The following CES4A variants were observed in gnomAD, a reference collection of about 807,000 sequenced individuals.
CES4A encodes carboxylesterase 4A, also known as carboxylesterase 6.
Under a neutral mutation model 65.4 loss-of-function variants are expected in CES4A, and 48 were observed. The ratio of observed to expected loss-of-function variants is 0.73; its 90% confidence interval spans 0.58 to 0.93. The LOEUF (loss-of-function observed/expected upper bound fraction) is 0.93, where lower values mean the gene tolerates loss of function less well. CES4A is among the 40% of genes least tolerant of loss of function. The pLI is 0.00. For synonymous variants in CES4A, 247 were observed against 281.8 expected, an observed-to-expected ratio of 0.88 and a Z score of 1.24; for missense variants, 685 against 728.5, an observed-to-expected ratio of 0.94 and a Z score of 0.69.
chr16:66,990,409 AT>A (rs1277141456), intron 1 of CES4A, among the ~76,000 whole-genome samples: 6 of 152,162 alleles, frequency 3.9e-5, no homozygotes, highest in African/African-American at 1.4e-4. Context: ...AATGTACACA[AT>A]TTTAAGCCAA....
intron 1 of CES4A, among the ~76,000 whole-genome samples, chr16:66,990,371 G>T (rs1001197746): frequency 1.3e-5 from 2 of 152,084 alleles, no homozygotes; most frequent in Non-Finnish European, 1.5e-5. Context: ...CCTTTTCATT[G>T]TGTATTTATC....
chr16:67,006,922 CCCAG>C, intron 13 of CES4A, 105 bp downstream of exon 13: 2 of 1,041,098 alleles, frequency 1.9e-6, no homozygotes, highest in Non-Finnish European at 2.8e-6. Flanking sequence ...ACAGGAACTG[CCCAG>C]TCGGCCCAAA....
At chr16:66,993,215 G>C (rs886820404) in intron 1 of CES4A, among the ~76,000 whole-genome samples, 3 of 152,224 alleles carry the variant, frequency 2.0e-5, no homozygotes, top group African/African-American at 7.2e-5. Context: ...ATGTGTGCTT[G>C]TGTGTGCGTG....
intron 13 of CES4A, 92 bp downstream of exon 13, chr16:67,006,909 C>A: frequency 8.0e-7 from 1 of 1,242,340 alleles, no homozygotes; most frequent in Non-Finnish European, 1.2e-6. Context: ...CCCAGCATGT[C>A]CTACAGGAAC....
rs372307783 is a variant in CES4A, at chr16:66,999,567, C to T, written c.261-1071C>T. The stretch of plus-strand genomic sequence containing the variant: ...CTATAATCCCAGCACTTTGGGAGGC[C>T]GAGGTGGGCAGATCACTTAAGGCCA... On this transcript the variant is annotated intron_variant, in intron 2 of 13. Transcript: ENST00000648724. Among the ~76,000 whole-genome samples the T allele has an allele frequency of 8.5e-5, 13 of 152,130 alleles. No homozygotes were observed. In the South Asian group the frequency reaches 1.9e-3, roughly 22 times the overall value.
In CES4A at chr16:66,989,681, C is replaced by A. The variant is rs1334656771; in HGVS notation, c.58+851C>A. Among the ~76,000 whole-genome samples, 3 of 152,182 alleles carry A rather than the reference C, an allele frequency of 2.0e-5. No individual in the cohort carries two copies. In the East Asian group the frequency reaches 5.8e-4, roughly 29 times the overall value. The stretch of plus-strand genomic sequence containing the variant: ...GAGACCAGCCTAACCAATATTATTA[C>A]CCCGTCTCTACTAAAAATACAAAAC... On this transcript the variant is annotated intron_variant, in intron 1 of 13. Transcript: ENST00000648724.
Position 67,003,624 on chromosome 16 carries a change from T to C in CES4A, c.939+71T>C, listed in dbSNP as rs1597090446. ...CTTTGTGCCAGGCACTTGGGATACTTAGGGAATTGTTCAGGCCAAGATCCC... is the reference window on the plus strand; with the variant it reads ...CTTTGTGCCAGGCACTTGGGATACTCAGGGAATTGTTCAGGCCAAGATCCC... On this transcript the variant is annotated intron_variant, in intron 8 of 13. Coordinates refer to ENST00000648724, the Ensembl canonical transcript of CES4A. The surrounding 1 kb of genome is among the most constrained non-coding windows in gnomAD (Gnocchi z 4.2). 2 of 1,277,448 alleles carry C rather than the reference T, an allele frequency of 1.6e-6. No individual in the cohort carries two copies. The highest frequency in any genetic ancestry group is 2.3e-6 in the Non-Finnish European group (2 of 873,428). The allele number at this position is 1,277,448 out of a possible 1,614,324, so 79.1% of individuals were successfully genotyped here. A position where few individuals can be genotyped will look rare whatever the true frequency, so the allele number is the denominator to read the frequency against.
Position 67,003,936 on chromosome 16 carries a change from C to T in CES4A, c.940-148C>T. The T allele has an allele frequency of 1.2e-6, 1 of 830,116 alleles. No homozygotes were observed. 51.4% of individuals were successfully genotyped at this position (830,116 alleles called of 1,614,324 possible). On this transcript the variant is annotated intron_variant, in intron 8 of 13. Transcript: ENST00000648724. The surrounding 1 kb of genome is among the most constrained non-coding windows in gnomAD (Gnocchi z 4.2). Reference sequence around the variant, plus strand: ...TGCCTATCCTGCTCCCCTCCCACACCCATCCTCCTGGGGCTCACCATGCCA... The same window carrying T: ...TGCCTATCCTGCTCCCCTCCCACACTCATCCTCCTGGGGCTCACCATGCCA...
chr16:66,988,957 G>A, intron 1 of CES4A, 127 bp downstream of exon 1: 1 of 1,154,916 alleles, frequency 8.7e-7, no homozygotes, highest in Non-Finnish European at 1.2e-6. Context: ...TGGGCAAATG[G>A]AGGGTAGGGT....
Position 67,000,568 on chromosome 16 carries a change from C to T in CES4A, c.261-70C>T, listed in dbSNP as rs1001276977. ...GCTGCCTGGATTTTGCTTTGGGTTC[C>T]GTCTTCTCACTGCGGACCCTGGATT... On this transcript the variant is annotated intron_variant, in intron 2 of 13. Transcript: ENST00000648724. This position sits in a 1 kb window ranked among gnomAD's most constrained non-coding sequence, Gnocchi z 4.2. The T allele has an allele frequency of 1.3e-6, 2 of 1,496,160 alleles. No homozygotes were observed. Among genetic ancestry groups the T allele is most frequent in the Non-Finnish European group, 1.8e-6 (2 of 1,117,198 alleles). 92.7% of individuals were successfully genotyped at this position (1,496,160 alleles called of 1,614,324 possible).
intron 2 of CES4A, among the ~76,000 whole-genome samples, chr16:66,996,623 CCAGAACATTCTGTGG>C (rs1240774371): frequency 2.0e-5 from 3 of 152,170 alleles, no homozygotes; most frequent in African/African-American, 7.2e-5. Flanking sequence ...AATCCACTGT[CCAGAACATTCTGTGG>C]CAATCATTAA....
At chr16:67,005,496 T>G in intron 11 of CES4A, 103 bp downstream of exon 11, 1 of 1,118,660 alleles carries the variant, frequency 8.9e-7, no homozygotes, top group Admixed American at 2.3e-5. Context: ...TCTCTGTACT[T>G]CTGGGCTAGT....
exon 2 of CES4A, chr16:66,995,780 C>A: frequency 6.2e-7 from 1 of 1,614,162 alleles, no homozygotes; most frequent in Non-Finnish European, 8.5e-7. Flanking sequence ...ACCTCCAGAA[C>A]CCCCGGAGCC....
intron 2 of CES4A, among the ~76,000 whole-genome samples, chr16:66,996,523 C>G (rs1964868857): frequency 6.6e-6 from 1 of 152,184 alleles, no homozygotes; most frequent in African/African-American, 2.4e-5. Flanking sequence ...GTCACAGAAG[C>G]ATAATTAGAA....
intron 1 of CES4A, among the ~76,000 whole-genome samples, chr16:66,993,403 C>CA (rs1261142873): frequency 6.6e-6 from 1 of 152,110 alleles, no homozygotes; most frequent in Admixed American, 6.6e-5. Context: ...AGTGCAGTGG[C>CA]AAAATCTCGG....
intron 1 of CES4A, among the ~76,000 whole-genome samples, chr16:66,993,109 GGAA>G (rs1203949479): frequency 6.6e-6 from 1 of 152,182 alleles, no homozygotes; most frequent in Non-Finnish European, 1.5e-5. Flanking sequence ...GCCTGGAAGA[GGAA>G]GAAAAGAGTA....
In CES4A at chr16:67,001,332, G is replaced by C. The variant is rs773654896; in HGVS notation, c.561G>C (p.Gly187=). The C allele has an allele frequency of 1.4e-5, 22 of 1,611,860 alleles. No individual in the cohort carries two copies. In the East Asian group the frequency reaches 4.5e-4, roughly 33 times the overall value. Reference sequence around the variant, plus strand: ...GCACGGACGACAGCCACGCGCGCGGGAACTGGGGGCTGCTGGACCAGATGG... The same window carrying C: ...GCACGGACGACAGCCACGCGCGCGGCAACTGGGGGCTGCTGGACCAGATGG... The change falls in exon 5 of 14, where the codon GGG becomes GGC. Residue 187 remains glycine, a synonymous_variant. Coordinates refer to ENST00000648724, the Ensembl canonical transcript of CES4A. The surrounding 1 kb of genome is among the most constrained non-coding windows in gnomAD (Gnocchi z 4.1).
chr16:66,988,747 T>C (rs754452430), exon 1 of CES4A: 1 of 1,556,428 alleles, frequency 6.4e-7, no homozygotes, highest in African/African-American at 1.4e-5. Context: ...CCATCACTCC[T>C]GCCCACAGCA....
chr16:66,994,447 G>A (rs955930205), intron 1 of CES4A, among the ~76,000 whole-genome samples: 5 of 149,988 alleles, frequency 3.3e-5, no homozygotes, highest in South Asian at 2.1e-4. Flanking sequence ...TCCTGACCTC[G>A]TGATCCACCC....
Sources: gnomAD v4.1 joint callset for allele counts (sites outside exome capture counted in the v4.1 genomes callset) on GRCh38, gnomAD v4.1.1 for gene constraint, Gnocchi (gnomAD v3.1) non-coding constraint, MANE v1.5 for transcripts, NCBI Gene and HGNC (gene_info 2026-07-23, HGNC 2026-07-21) for gene names.